CNTNAP2: variants seen among roughly 807,000 people sequenced by gnomAD.
CNTNAP2 encodes the protein contactin-associated protein-like 2.
A neutral mutation model predicts 155.2 loss-of-function variants in CNTNAP2; 98 were observed. The observed-to-expected ratio is 0.63, with a 90% CI of 0.54 to 0.75. The LOEUF (loss-of-function observed/expected upper bound fraction) is 0.75, where lower values mean the gene tolerates loss of function less well. CNTNAP2 is among the 30% of genes least tolerant of loss of function. The pLI, the probability that CNTNAP2 is intolerant of heterozygous loss-of-function variation, is 0.00. For missense variants in CNTNAP2, 1,727 were observed against 1,688.1 expected (o/e 1.02, Z -0.40); for synonymous variants, 651 against 631.2 (o/e 1.03, Z -0.47).
rs191729378 is a variant in CNTNAP2, at chr7:146,423,653, C to T, written c.97+306680C>T. Among the ~76,000 whole-genome samples, 257 of 152,314 alleles carry T rather than the reference C, an allele frequency of 1.7e-3. 3 individuals are homozygous for T. The highest frequency in any genetic ancestry group is 3.2e-3 in the Non-Finnish European group (215 of 68,030). On this transcript the variant is annotated intron_variant, in intron 1 of 23. Coordinates refer to ENST00000361727, the MANE Select transcript of CNTNAP2 (RefSeq NM_014141.6). ...AATGTCCAGAAGCCTTGTCCAAATG[C>T]TCTGCGTCATGCAGATTGGCCTCTT...
At chr7:147,320,835 C>T (rs1584871094) in intron 9 of CNTNAP2, among the ~76,000 whole-genome samples, 1 of 152,122 alleles carries the variant, frequency 6.6e-6, no homozygotes, top group Admixed American at 6.6e-5. Context: ...CTGAGAAGGG[C>T]ATTCTGCTTT....
intron 1 of CNTNAP2, among the ~76,000 whole-genome samples, chr7:146,408,893 T>C (rs1449956983): frequency 1.3e-5 from 2 of 151,916 alleles, no homozygotes; most frequent in East Asian, 3.9e-4. Flanking sequence ...CTTGCACTCA[T>C]GTGGGCCTGG....
intron 1 of CNTNAP2, among the ~76,000 whole-genome samples, chr7:146,594,364 A>G (rs1417495762): frequency 2.0e-5 from 3 of 151,670 alleles, no homozygotes; most frequent in Admixed American, 6.6e-5. Context: ...CTCTTCTAGG[A>G]TCTTACAGCT....
rs948163084 is a variant in CNTNAP2, at chr7:147,504,116, A to G, written c.1777+18075A>G. Reference sequence around the variant, plus strand: ...CTGCCATGGCATTTCCAACTCTCAGAGCACCAATTCCAAACAGCCTGGAGA... The same window carrying G: ...CTGCCATGGCATTTCCAACTCTCAGGGCACCAATTCCAAACAGCCTGGAGA... On this transcript the variant is annotated intron_variant, in intron 11 of 23. Transcript: ENST00000361727. Among the ~76,000 whole-genome samples the G allele has an allele frequency of 2.6e-5, 4 of 152,134 alleles. No individual in the cohort carries two copies. In the South Asian group the frequency reaches 6.2e-4, roughly 24 times the overall value.
At chr7:148,195,941 A>T (rs921795944) in intron 18 of CNTNAP2, among the ~76,000 whole-genome samples, 2 of 152,232 alleles carry the variant, frequency 1.3e-5, no homozygotes, top group African/African-American at 2.4e-5. Context: ...TTACAAATGC[A>T]TTCTACTGAC....
chr7:146,590,151 G>C (rs986209624), intron 1 of CNTNAP2, among the ~76,000 whole-genome samples: 3 of 152,058 alleles, frequency 2.0e-5, no homozygotes, highest in African/African-American at 7.2e-5. Flanking sequence ...CGTTTGTTTT[G>C]TTTTGTTTCC....
At chr7:147,265,630 A>G (rs1162550755) in intron 8 of CNTNAP2, among the ~76,000 whole-genome samples, 5 of 152,208 alleles carry the variant, frequency 3.3e-5, no homozygotes, top group African/African-American at 1.2e-4. Context: ...TCCCCCGAGC[A>G]CAGCACACTC....
chr7:146,248,490 C>T (rs920059232), intron 1 of CNTNAP2, among the ~76,000 whole-genome samples: 3 of 152,096 alleles, frequency 2.0e-5, no homozygotes, highest in South Asian at 4.1e-4. Context: ...TAGTCCATGA[C>T]CAGCGCCGGA....
intron 1 of CNTNAP2, among the ~76,000 whole-genome samples, chr7:146,281,924 A>T (rs561493671): frequency 3.9e-5 from 6 of 152,340 alleles, no homozygotes; most frequent in African/African-American, 1.4e-4. Context: ...GTGGCTGGTG[A>T]ATTAATAAAG....
At chr7:147,960,217 A>C (rs940020883) in intron 14 of CNTNAP2, among the ~76,000 whole-genome samples, 1 of 152,122 alleles carries the variant, frequency 6.6e-6, no homozygotes, top group African/African-American at 2.4e-5. Flanking sequence ...AGGGAAAAAT[A>C]ATAACTGGTT....
intron 1 of CNTNAP2, among the ~76,000 whole-genome samples, chr7:146,721,793 T>C: frequency 8.4e-6 from 1 of 118,616 alleles, no homozygotes; most frequent in Non-Finnish European, 1.7e-5. Context: ...ATAGTCTACA[T>C]ATATAGACTA....
chr7:148,095,961 T>C (rs1159409839), intron 15 of CNTNAP2, among the ~76,000 whole-genome samples: 1 of 152,234 alleles, frequency 6.6e-6, no homozygotes, highest in African/African-American at 2.4e-5. Context: ...AAAAAGATGT[T>C]TAAAGTTTAA....
intron 10 of CNTNAP2, among the ~76,000 whole-genome samples, chr7:147,411,831 A>T (rs1392161387): frequency 1.3e-5 from 2 of 152,206 alleles, no homozygotes; most frequent in Non-Finnish European, 2.9e-5. Context: ...ATCACTAGGA[A>T]GGAAGAGGAA....
rs1241011096 is a variant in CNTNAP2 at position 146,194,391 on chromosome 7, A to G, written c.97+77418A>G. Among the ~76,000 whole-genome samples, 5 of 152,338 alleles carry G rather than the reference A, an allele frequency of 3.3e-5. No homozygotes were observed. In the East Asian group the frequency reaches 9.7e-4, roughly 29 times the overall value. On this transcript the variant is annotated intron_variant, in intron 1 of 23. Transcript: ENST00000361727. ...AAGGAGAAGCAAAGTCATGTCTTAC[A>G]TGGTTGCAGGCAAGAGAACGTTTGC...
At chr7:146,428,637 C>T (rs566585297) in intron 1 of CNTNAP2, among the ~76,000 whole-genome samples, 1 of 151,244 alleles carries the variant, frequency 6.6e-6, no homozygotes, top group Non-Finnish European at 1.5e-5. Flanking sequence ...TCCTTGTAGC[C>T]TCTGTATATT....
At chr7:147,638,670 A>C in intron 12 of CNTNAP2, 1 of 362,214 alleles carries the variant, frequency 2.8e-6, no homozygotes, top group Non-Finnish European at 5.6e-6. Context: ...TGATGAGAGC[A>C]AACACCATGT....
At chr7:146,844,853 T>C (rs1803812226) in intron 3 of CNTNAP2, among the ~76,000 whole-genome samples, 1 of 152,198 alleles carries the variant, frequency 6.6e-6, no homozygotes, top group Non-Finnish European at 1.5e-5. Context: ...TGATCCATTT[T>C]GTTAATTTTA....
intron 13 of CNTNAP2, among the ~76,000 whole-genome samples, chr7:147,686,230 T>C (rs1039507718): frequency 6.6e-6 from 1 of 151,996 alleles, no homozygotes; most frequent in Non-Finnish European, 1.5e-5. Context: ...TTGAGACATT[T>C]GGCTTTTGTA....
intron 1 of CNTNAP2, among the ~76,000 whole-genome samples, chr7:146,480,052 T>C (rs1473495464): frequency 6.6e-6 from 1 of 152,192 alleles, no homozygotes; most frequent in Non-Finnish European, 1.5e-5. Context: ...CCCAAAATGC[T>C]GGGATTACAG....
Sources: gnomAD v4.1 joint callset for allele counts (sites outside exome capture counted in the v4.1 genomes callset) on GRCh38, gnomAD v4.1.1 for gene constraint, MANE v1.5 for transcripts, NCBI Gene and HGNC (gene_info 2026-07-23, HGNC 2026-07-21) for gene names.